Variants in DCBLD1 observed in about 807,000 individuals in gnomAD.
DCBLD1 encodes the protein discoidin, CUB and LCCL domain containing 1.
In DCBLD1, 57 loss-of-function variants were observed where a neutral mutation model predicts 71.5. The observed-to-expected ratio is 0.80, with a 90% CI of 0.64 to 0.99. The LOEUF is 0.99. Among genes scored for constraint, DCBLD1 ranks in the 50% least tolerant of loss-of-function variants. The pLI, the probability that DCBLD1 is intolerant of heterozygous loss-of-function variation, is 0.00. For synonymous variants in DCBLD1, 380 were observed against 363.8 expected (o/e 1.04, Z -0.51); for missense variants, 891 against 923.5 (o/e 0.96, Z 0.46).
At chr6:117,533,002 T>TA (rs1778773481) in intron 6 of DCBLD1, among the ~76,000 whole-genome samples, 1 of 152,190 alleles carries the variant, frequency 6.6e-6, no homozygotes, top group Non-Finnish European at 1.5e-5. Flanking sequence ...TTAGAAGGTG[T>TA]AAAACTAGAG....
At chr6:117,532,170 A>T in intron 5 of DCBLD1, 90 bp from the exon 6 acceptor site, 1 of 1,511,590 alleles carries the variant, frequency 6.6e-7, no homozygotes, top group South Asian at 1.4e-5. Context: ...GGCCACTACT[A>T]TAAATTACCA....
At chr6:117,497,997 A>G (rs1208784649) in intron 1 of DCBLD1, among the ~76,000 whole-genome samples, 1 of 152,218 alleles carries the variant, frequency 6.6e-6, no homozygotes, top group Admixed American at 6.5e-5. Flanking sequence ...AAGTGTTTTC[A>G]TGTTAAATAT....
intron 1 of DCBLD1, among the ~76,000 whole-genome samples, chr6:117,489,107 A>T (rs1200677039): frequency 1.3e-5 from 2 of 152,170 alleles, no homozygotes; most frequent in African/African-American, 4.8e-5. Flanking sequence ...TATAAAGAAG[A>T]TAGGTGTATT....
chr6:117,500,915 A>C (rs983166705), intron 1 of DCBLD1, among the ~76,000 whole-genome samples: 3 of 152,182 alleles, frequency 2.0e-5, no homozygotes, highest in African/African-American at 7.2e-5. Flanking sequence ...TGTCACTTTA[A>C]AAAAATAAAA....
At chr6:117,536,933 GTCCTAGCCCCTT>G (rs1778901780) in intron 6 of DCBLD1, among the ~76,000 whole-genome samples, 1 of 152,198 alleles carries the variant, frequency 6.6e-6, no homozygotes, top group African/African-American at 2.4e-5. Context: ...GCATCTCAGA[GTCCTAGCCCCTT>G]TCCTAGCCCC....
chr6:117,521,689 T>A, intron 4 of DCBLD1, 113 bp downstream of exon 4: 2 of 907,810 alleles, frequency 2.2e-6, no homozygotes, highest in Non-Finnish European at 3.3e-6. Context: ...ATTCATGTTG[T>A]AACTAATGAG....
At chr6:117,532,692 C>A (rs1778764260) in intron 6 of DCBLD1, among the ~76,000 whole-genome samples, 1 of 152,230 alleles carries the variant, frequency 6.6e-6, no homozygotes, top group African/African-American at 2.4e-5. Flanking sequence ...AGGCTTAATC[C>A]TTTTTGGGTT....
intron 2 of DCBLD1, among the ~76,000 whole-genome samples, chr6:117,508,530 T>A (rs1423816307): frequency 6.6e-6 from 1 of 152,208 alleles, no homozygotes; most frequent in African/African-American, 2.4e-5. Flanking sequence ...ATACTAAAGA[T>A]ACTACTCTTA....
At chr6:117,561,077 C>T (rs544631945) in intron 14 of DCBLD1, 248 of 223,126 alleles carry the variant, frequency 1.1e-3, no homozygotes, top group Non-Finnish European at 1.8e-3. Context: ...ATCTGAGCAA[C>T]GGTGCTCTCC....
chr6:117,508,979 G>A (rs577570350), intron 2 of DCBLD1, among the ~76,000 whole-genome samples: 4 of 152,270 alleles, frequency 2.6e-5, no homozygotes, highest in African/African-American at 9.6e-5. Context: ...GATATTACAC[G>A]TGTGTTTAAG....
intron 14 of DCBLD1, chr6:117,560,718 A>AGAG (rs1779568256): frequency 5.0e-6 from 1 of 201,150 alleles, no homozygotes; most frequent in African/African-American, 2.3e-5. Context: ...ATACTGTAGA[A>AGAG]GAGAATTTTA....
intron 2 of DCBLD1, among the ~76,000 whole-genome samples, chr6:117,509,254 A>AC (rs1777936344): frequency 6.6e-6 from 1 of 151,820 alleles, no homozygotes; most frequent in South Asian, 2.1e-4. Flanking sequence ...CAACATGGCA[A>AC]CCCCCCATCT....
intron 1 of DCBLD1, among the ~76,000 whole-genome samples, chr6:117,499,389 G>A (rs1000305614): frequency 6.6e-6 from 1 of 151,106 alleles, no homozygotes; most frequent in Admixed American, 6.6e-5. Context: ...CCTGGGTGAT[G>A]GAATGAGACC....
intron 13 of DCBLD1, among the ~76,000 whole-genome samples, chr6:117,545,007 C>A (rs1453563064): frequency 2.0e-5 from 3 of 149,154 alleles, no homozygotes; most frequent in Non-Finnish European, 4.5e-5. Flanking sequence ...ACACCAGCCC[C>A]GTCTGGTCTT....
At chr6:117,568,963 A>T (rs545957520) in intron 14 of DCBLD1, among the ~76,000 whole-genome samples, 5 of 152,234 alleles carry the variant, frequency 3.3e-5, no homozygotes, top group Admixed American at 3.3e-4. Context: ...CCTCAACTCT[A>T]TTCTTGAAAG....
intron 1 of DCBLD1, among the ~76,000 whole-genome samples, chr6:117,483,163 C>T (rs551161902): frequency 6.6e-6 from 1 of 152,322 alleles, no homozygotes; most frequent in South Asian, 2.1e-4. Context: ...GGCGTCTCTG[C>T]ACTTTCTCTC....
At chr6:117,559,353 A>T (rs1779540220) in intron 14 of DCBLD1, among the ~76,000 whole-genome samples, 1 of 152,190 alleles carries the variant, frequency 6.6e-6, no homozygotes, top group African/African-American at 2.4e-5. Flanking sequence ...AGGAGGAAGG[A>T]AGGTTGGGTG....
intron 2 of DCBLD1, among the ~76,000 whole-genome samples, chr6:117,516,058 A>G (rs1283264273): frequency 2.0e-5 from 3 of 152,068 alleles, no homozygotes; most frequent in Non-Finnish European, 4.4e-5. Context: ...TATTCTAAGT[A>G]ATTTGAAAGT....
Position 117,548,677 on chromosome 6 carries a change from TGAAAA to T in DCBLD1, c.*239_*243del. On this transcript the variant is annotated 3_prime_UTR_variant, in exon 15 of 15. Coordinates refer to ENST00000338728, the MANE Select transcript of DCBLD1 (RefSeq NM_001366458.2). ...GTTGGGTTTTGTTGGGCTAGAAAAA[TGAAAA>T]TTTTCAGATGGCGTTTTCATTCCTC... is the stretch of plus-strand genomic sequence containing the variant. 1 of 1,412,900 alleles carries T rather than the reference TGAAAA, an allele frequency of 7.1e-7. No individual in the cohort carries two copies. Among genetic ancestry groups the T allele is most frequent in the Non-Finnish European group, 9.2e-7 (1 of 1,089,698 alleles). The allele number at this position is 1,412,900 out of a possible 1,614,324, so 87.5% of individuals were successfully genotyped here.
Sources: allele counts gnomAD v4.1 joint callset (sites outside exome capture counted in the v4.1 genomes callset), GRCh38; gene constraint gnomAD v4.1.1; transcripts MANE v1.5; gene names NCBI Gene and HGNC (gene_info 2026-07-23, HGNC 2026-07-21).